Variants in WWTR1 observed in about 807,000 individuals in gnomAD.
The protein encoded by WWTR1 is WW domain containing transcription regulator 1.
A neutral mutation model predicts 40.1 loss-of-function variants in WWTR1; 13 were observed. The ratio of observed to expected loss-of-function variants is 0.32; its 90% CI spans 0.21 to 0.52. The LOEUF is 0.52. Ranked by LOEUF, WWTR1 falls within the 20% of genes least tolerant of loss-of-function variation. WWTR1 has a pLI of 0.97. For synonymous variants in WWTR1, 230 were observed against 210.1 expected (o/e 1.09, Z -0.82); for missense variants, 436 against 523.1 (o/e 0.83, Z 1.63).
At chr3:149,595,375 G>A (rs1738948516) in intron 2 of WWTR1, among the ~76,000 whole-genome samples, 1 of 152,056 alleles carries the variant, frequency 6.6e-6, no homozygotes, top group Non-Finnish European at 1.5e-5. Context: ...GAAAAAAATA[G>A]GTTATTGTTG....
intron 1 of WWTR1, among the ~76,000 whole-genome samples, chr3:149,679,813 T>C (rs888455457): frequency 2.0e-5 from 3 of 152,214 alleles, no homozygotes; most frequent in South Asian, 2.1e-4. Flanking sequence ...CAGACTTAAC[T>C]GTCCTACACT....
Position 149,622,502 on chromosome 3 carries a change from G to GAAGGAAGGAAGAAAGA in WWTR1, c.431+34373_431+34374insTCTTTCTTCCTTCCTT, listed in dbSNP as rs1553800283. On this transcript the variant is annotated intron_variant, in intron 2 of 6. Coordinates refer to ENST00000360632, the MANE Select transcript of WWTR1 (RefSeq NM_015472.6). ...GGAAGGAAGGAAGGAAGGAAGGAAG[G>GAAGGAAGGAAGAAAGA]AAGAAAGAAAGAAAGAAAGAAAGAA... is the stretch of plus-strand genomic sequence containing the variant. Among the ~76,000 whole-genome samples, 269 of 46,286 alleles carry GAAGGAAGGAAGAAAGA rather than the reference G, an allele frequency of 5.8e-3. 4 individuals carry two copies. Among genetic ancestry groups the GAAGGAAGGAAGAAAGA allele is most frequent in the South Asian group, 6.9e-3 (8 of 1,152 alleles). The allele number at this position is 46,286 out of a possible 152,430, so 30.4% of individuals were successfully genotyped here. A position where few individuals can be genotyped will look rare whatever the true frequency, so the allele number is the denominator to read the frequency against.
chr3:149,645,002 G>T (rs1013935858), intron 2 of WWTR1, among the ~76,000 whole-genome samples: 3 of 152,034 alleles, frequency 2.0e-5, no homozygotes, highest in Non-Finnish European at 2.9e-5. Context: ...ACAGGTACAC[G>T]CCACCATGCC....
At chr3:149,536,530 G>C (rs1032654543) in intron 4 of WWTR1, among the ~76,000 whole-genome samples, 2 of 151,984 alleles carry the variant, frequency 1.3e-5, no homozygotes, top group Non-Finnish European at 2.9e-5. Flanking sequence ...TCACAGCCAG[G>C]TGTGTCCCCC....
chr3:149,555,117 C>T (rs562627477), intron 3 of WWTR1, among the ~76,000 whole-genome samples: 159 of 152,250 alleles, frequency 1.0e-3, no homozygotes, highest in Non-Finnish European at 1.6e-3. Flanking sequence ...ACTCCAGGTG[C>T]GAAGTATGGC....
intron 3 of WWTR1, among the ~76,000 whole-genome samples, chr3:149,545,940 G>A (rs569258605): frequency 4.3e-4 from 65 of 152,252 alleles, no homozygotes; most frequent in African/African-American, 1.4e-3. Flanking sequence ...TGCCCTTGTC[G>A]GTGTACAAAA....
chr3:149,522,021 A>G (rs1171899515), intron 6 of WWTR1, among the ~76,000 whole-genome samples: 16 of 152,230 alleles, frequency 1.1e-4, no homozygotes, highest in Non-Finnish European at 1.5e-5. Flanking sequence ...CCTGAGAGAA[A>G]GAAAAACCCA....
chr3:149,623,077 A>G (rs116624421), intron 2 of WWTR1, among the ~76,000 whole-genome samples: 305 of 152,298 alleles, frequency 2.0e-3, no homozygotes, highest in African/African-American at 7.1e-3. Context: ...GAGAATGTTT[A>G]TCAGCTGGGC....
At chr3:149,588,318 C>T (rs973494401) in intron 2 of WWTR1, among the ~76,000 whole-genome samples, 1 of 152,158 alleles carries the variant, frequency 6.6e-6, no homozygotes, top group African/African-American at 2.4e-5. Flanking sequence ...TGCAGCGGAG[C>T]CAGCAAACCA....
chr3:149,626,772 G>A (rs1379972761), intron 2 of WWTR1, among the ~76,000 whole-genome samples: 1 of 152,060 alleles, frequency 6.6e-6, no homozygotes, highest in Non-Finnish European at 1.5e-5. Context: ...ACAGCATAAA[G>A]GTGCATCTAA....
chr3:149,603,556 C>G lies in WWTR1; in HGVS notation c.432-30556G>C, dbSNP rs111737492. Among the ~76,000 whole-genome samples, 46 of 149,584 alleles carry G rather than the reference C, an allele frequency of 3.1e-4. 1 individual carries two copies. The East Asian group carries it at 8.0e-3, about 26-fold the overall frequency. On this transcript the variant is annotated intron_variant, in intron 2 of 6. Coordinates refer to ENST00000360632, the MANE Select transcript of WWTR1 (RefSeq NM_015472.6). ...TTAGTTACAAAGGTTCCCCACCCCCCCCTTGTACTCCACTCTAATTACATT... is the reference window on the plus strand; with the variant it reads ...TTAGTTACAAAGGTTCCCCACCCCCGCCTTGTACTCCACTCTAATTACATT...
chr3:149,622,891 A>AAATAAT (rs3044088), intron 2 of WWTR1, among the ~76,000 whole-genome samples: 6 of 151,108 alleles, frequency 4.0e-5, no homozygotes, highest in Non-Finnish European at 5.9e-5. Flanking sequence ...CCTTGTCTCA[A>AAATAAT]AATAATAATA....
intron 1 of WWTR1, among the ~76,000 whole-genome samples, chr3:149,679,905 G>A (rs564854096): frequency 4.6e-5 from 7 of 152,310 alleles, no homozygotes; most frequent in African/African-American, 1.2e-4. Flanking sequence ...AGCCGATGGC[G>A]TCCTAGAGAG....
At chr3:149,672,782 CT>C (rs34174367) in intron 1 of WWTR1, among the ~76,000 whole-genome samples, 8,714 of 129,190 alleles carry the variant, frequency 0.067, 278 homozygotes, top group Non-Finnish European at 0.092. Flanking sequence ...AAGTTTTTTC[CT>C]TTTTTTTTTT....
At chr3:149,581,937 C>T (rs1040302531) in intron 2 of WWTR1, among the ~76,000 whole-genome samples, 1 of 152,120 alleles carries the variant, frequency 6.6e-6, no homozygotes, top group African/African-American at 2.4e-5. Flanking sequence ...TGCTGTCAGC[C>T]CCAAAGAGCA....
intron 4 of WWTR1, among the ~76,000 whole-genome samples, chr3:149,529,414 T>TA (rs945299144): frequency 9.1e-4 from 138 of 151,498 alleles, no homozygotes; most frequent in Admixed American, 1.4e-3. Flanking sequence ...CTGATTGATT[T>TA]AAAAAAAAAC....
intron 2 of WWTR1, among the ~76,000 whole-genome samples, chr3:149,602,973 T>A (rs994363657): frequency 6.7e-6 from 1 of 150,282 alleles, no homozygotes; most frequent in African/African-American, 2.5e-5. Flanking sequence ...AAAGCCTAAT[T>A]TTAAAGCCAA....
intron 2 of WWTR1, 89 bp downstream of exon 2, chr3:149,656,787 T>TCACACACACA (rs1274240073): frequency 3.0e-5 from 26 of 857,946 alleles, no homozygotes; most frequent in African/African-American, 2.1e-4. Flanking sequence ...TCTCTCTCTC[T>TCACACACACA]CTCTCACACA....
chr3:149,661,375 T>C (rs1284440425), upstream of WWTR1: 1 of 152,232 alleles, frequency 6.6e-6, no homozygotes, highest in Admixed American at 6.5e-5. Flanking sequence ...TATTGAAATG[T>C]TTTTTAAATG....
Sources: allele counts gnomAD v4.1 joint callset (sites outside exome capture counted in the v4.1 genomes callset), GRCh38; gene constraint gnomAD v4.1.1; transcripts MANE v1.5; gene names NCBI Gene and HGNC (gene_info 2026-07-23, HGNC 2026-07-21).